The following MGAM2 variants were observed in gnomAD, a reference collection of about 807,000 sequenced individuals.
The protein encoded by MGAM2 is maltase-glucoamylase 2 (putative), also known as probable maltase-glucoamylase 2.
In MGAM2, 98 loss-of-function variants were observed where a neutral mutation model predicts 96.1. That is an observed-to-expected ratio of 1.02 (90% CI 0.87 to 1.21). The LOEUF is 1.21. Ranked by LOEUF, MGAM2 falls within the 50% of genes most tolerant of loss-of-function variation. The probability of loss-of-function intolerance (pLI) is 0.00; values close to 1 mark genes in which losing one functional copy is unlikely to be tolerated. For missense variants in MGAM2, 2,055 were observed against 1,182.4 expected (o/e 1.74, Z -10.82); for synonymous variants, 749 against 414.8 (o/e 1.81, Z -9.79).
chr7:142,186,297 T>C lies in MGAM2; in HGVS notation c.4122+174T>C, dbSNP rs551201600. Among the ~76,000 whole-genome samples the C allele has an allele frequency of 2.0e-5, 3 of 152,210 alleles. No homozygotes were observed. In the South Asian group the frequency reaches 6.2e-4, roughly 32 times the overall value. On this transcript the variant is annotated intron_variant, in intron 35 of 47. Transcript: ENST00000477922. ...CAAGAGAAGCAGAGATCATTGCTGA[T>C]CTGCCCAGGGACATATTGTCTGGTG...
chr7:142,174,713 C>CTTTTTTTTTTTTTTTTTT (rs1410980226), intron 31 of MGAM2, among the ~76,000 whole-genome samples: 1 of 78,290 alleles, frequency 1.3e-5, no homozygotes, highest in Non-Finnish European at 2.3e-5. Flanking sequence ...CTCTCTCTCT[C>CTTTTTTTTTTTTTTTTTT]TCTTTTTTTT....
intron 45 of MGAM2, among the ~76,000 whole-genome samples, chr7:142,201,071 CT>C (rs72092512): frequency 2.4e-5 from 2 of 84,362 alleles, no homozygotes; most frequent in Admixed American, 1.7e-4. Context: ...CATCCTTTTT[CT>C]TTTTTTTTTC....
Position 142,186,074 on chromosome 7 carries a change from CA to C in MGAM2, c.4076del (p.Asn1359ThrfsTer9). ...WWKKEIEELY[A>X]NPREPEKSLK... Reference sequence around the variant, plus strand: ...AAGAAAGAGATAGAAGAGCTCTATGCAAACCCTCGAGAGCCAGAGAAGAGCT... The same window carrying C: ...AAGAAAGAGATAGAAGAGCTCTATGCAACCCTCGAGAGCCAGAGAAGAGCT... On this transcript the variant is annotated frameshift_variant, in exon 35 of 48. Coordinates refer to ENST00000477922, the MANE Select transcript of MGAM2 (RefSeq NM_001293626.2). LOFTEE classifies it high-confidence loss of function. 1.4e-6 allele frequency: 1 copy of C among 705,790 alleles called. No individual in the cohort carries two copies. 43.7% of individuals were successfully genotyped at this position (705,790 alleles called of 1,614,324 possible). A position where few individuals can be genotyped will look rare whatever the true frequency, so the allele number is the denominator to read the frequency against.
At position 142,172,102 on chromosome 7, in the gene MGAM2, A is replaced by G. The variant is rs1443437133; in HGVS notation, c.3356A>G (p.Lys1119Arg). The change falls in exon 29 of 48, where the codon AAG becomes AGG. Residue 1119 changes from lysine to arginine, a missense_variant. Transcript: ENST00000477922. ...MFAHDEPPAY[K>R]KNSYGVHPYY... ...TATTACCCTCGTGACTCCCAGTACA[A>G]GAAGAATTCCTATGGTGTCCACCCT... 1.4e-6 allele frequency: 1 copy of G among 727,990 alleles called. No homozygotes were observed. Among genetic ancestry groups the G allele is most frequent in the Non-Finnish European group, 2.5e-6 (1 of 397,842 alleles). The allele number at this position is 727,990 out of a possible 1,614,324, so 45.1% of individuals were successfully genotyped here.
At chr7:142,115,643 C>T (rs1479349181) in intron 1 of MGAM2, among the ~76,000 whole-genome samples, 3 of 151,964 alleles carry the variant, frequency 2.0e-5, no homozygotes, top group Admixed American at 6.6e-5. Flanking sequence ...ATCAGGAGTT[C>T]GAGACCAGCC....
chr7:142,125,642 A>C (rs1348152913), intron 3 of MGAM2, among the ~76,000 whole-genome samples: 1 of 152,170 alleles, frequency 6.6e-6, no homozygotes, highest in Admixed American at 6.5e-5. Context: ...GTATATTTAA[A>C]AAGATTGTAT....
At chr7:142,116,395 T>A (rs57652679) in intron 1 of MGAM2, among the ~76,000 whole-genome samples, 61,212 of 151,708 alleles carry the variant, frequency 0.4, 12,979 homozygotes, top group African/African-American at 0.52. Context: ...GTTTAAACAG[T>A]CTCAACAGTG....
chr7:142,209,120 G>A (rs3020838), intron 46 of MGAM2, among the ~76,000 whole-genome samples: 118,335 of 151,992 alleles, frequency 0.78, 46,779 homozygotes, highest in African/African-American at 0.93. Flanking sequence ...GGCTGTTTAG[G>A]TAATCTTGGC....
rs146979247 is a variant in MGAM2 at position 142,149,046 on chromosome 7, G to A, written c.1634+1473G>A. Among the ~76,000 whole-genome samples, 196 of 152,204 alleles carry A rather than the reference G, an allele frequency of 1.3e-3. 1 individual carries two copies. The East Asian group carries it at 0.022, about 17-fold the overall frequency. ...GTTTGAGACCAGCCTGGCCATCATAGTGAAACCTCGTCTTTACTAAAAATA... is the reference window on the plus strand; with the variant it reads ...GTTTGAGACCAGCCTGGCCATCATAATGAAACCTCGTCTTTACTAAAAATA... On this transcript the variant is annotated intron_variant, in intron 15 of 47. Coordinates refer to ENST00000477922, the MANE Select transcript of MGAM2 (RefSeq NM_001293626.2).
chr7:142,197,997 A>AT, intron 42 of MGAM2, 142 bp from the exon 43 acceptor site: 1 of 587,798 alleles, frequency 1.7e-6, no homozygotes, highest in Non-Finnish European at 3.0e-6. Flanking sequence ...ATTTTTCAGG[A>AT]TTTTTCTTAA....
chr7:142,174,713 C>CTATTTTTTTTTTTTTTTTTTTTTTTTTT (rs1410980226), intron 31 of MGAM2, among the ~76,000 whole-genome samples: 1 of 78,262 alleles, frequency 1.3e-5, no homozygotes, highest in East Asian at 4.3e-4. Context: ...CTCTCTCTCT[C>CTATTTTTTTTTTTTTTTTTTTTTTTTTT]TCTTTTTTTT....
chr7:142,143,271 A>C (rs944336452), intron 12 of MGAM2, among the ~76,000 whole-genome samples: 3 of 152,190 alleles, frequency 2.0e-5, no homozygotes, highest in Non-Finnish European at 4.4e-5. Flanking sequence ...TAGACAGAAA[A>C]GGGAGGTAGA....
chr7:142,133,173 A>T (rs1794956780), intron 6 of MGAM2, among the ~76,000 whole-genome samples: 1 of 140,788 alleles, frequency 7.1e-6, no homozygotes, highest in African/African-American at 2.6e-5. Flanking sequence ...AATATTTAAT[A>T]CATGTTAATA....
intron 47 of MGAM2, among the ~76,000 whole-genome samples, chr7:142,219,102 A>G (rs896134666): frequency 3.9e-5 from 6 of 152,232 alleles, no homozygotes; most frequent in Admixed American, 3.9e-4. Flanking sequence ...ACTAAACCAG[A>G]ATTTTGGAAG....
chr7:142,195,767 T>C (rs1386729876), intron 37 of MGAM2, among the ~76,000 whole-genome samples: 7 of 152,168 alleles, frequency 4.6e-5, no homozygotes, highest in African/African-American at 1.7e-4. Flanking sequence ...CTTAGCTTCC[T>C]AACAGTAAAA....
intron 6 of MGAM2, among the ~76,000 whole-genome samples, chr7:142,132,851 T>A (rs1794939360): frequency 7.8e-6 from 1 of 128,702 alleles, no homozygotes; most frequent in Non-Finnish European, 1.5e-5. Flanking sequence ...TATAAATATA[T>A]AGATATTATA....
chr7:142,182,530 C>T (rs1478092095), intron 32 of MGAM2, among the ~76,000 whole-genome samples: 1 of 152,154 alleles, frequency 6.6e-6, no homozygotes, highest in Non-Finnish European at 1.5e-5. Context: ...CTGCAGATGC[C>T]CTGTATGCAG....
Position 142,121,459 on chromosome 7 carries a change from G to A in MGAM2, c.186+1078G>A, listed in dbSNP as rs1271772372. ...CCCAAAATGCTGGGCTTACAGGTGT[G>A]AGCCACTACGCCCGGCCCATATATG... On this transcript the variant is annotated intron_variant, in intron 3 of 47. Coordinates refer to ENST00000477922, the MANE Select transcript of MGAM2 (RefSeq NM_001293626.2). Among the ~76,000 whole-genome samples the A allele has an allele frequency of 2.6e-5, 4 of 152,130 alleles. No individual in the cohort carries two copies. In the East Asian group the frequency reaches 7.7e-4, roughly 29 times the overall value.
rs1041427136 is a variant in MGAM2 at position 142,148,146 on chromosome 7, A to T, written c.1634+573A>T. Among the ~76,000 whole-genome samples the T allele has an allele frequency of 9.9e-5, 15 of 151,318 alleles. No individual in the cohort carries two copies. Among genetic ancestry groups the T allele is most frequent in the African/African-American group, 3.6e-4 (15 of 41,202 alleles). On this transcript the variant is annotated intron_variant, in intron 15 of 47. Transcript: ENST00000477922. The surrounding 1 kb of genome is among the most constrained non-coding windows in gnomAD (Gnocchi z 4.2). The stretch of plus-strand genomic sequence containing the variant: ...AACTATCACCATCACCACCACCATT[A>T]CCTAACACCATCACCATTGTCATAA...
Sources: allele counts gnomAD v4.1 joint callset (sites outside exome capture counted in the v4.1 genomes callset), GRCh38; gene constraint gnomAD v4.1.1; non-coding constraint Gnocchi (gnomAD v3.1); transcripts MANE v1.5; gene names NCBI Gene and HGNC (gene_info 2026-07-23, HGNC 2026-07-21).